Variants in NLRC4 observed in about 807,000 individuals in gnomAD.
NLRC4 encodes NLR family CARD domain-containing protein 4.
Under a neutral mutation model 79.9 loss-of-function variants are expected in NLRC4, and 63 were observed. That is an observed-to-expected ratio of 0.79 (90% CI 0.64 to 0.97). The LOEUF is 0.97. Ranked by LOEUF, NLRC4 falls within the 50% of genes least tolerant of loss-of-function variation. NLRC4 has a pLI of 0.00. For synonymous variants in NLRC4, 461 were observed against 456.5 expected (o/e 1.01, Z -0.12); for missense variants, 1,074 against 1,215.2 (o/e 0.88, Z 1.73).
intron 8 of NLRC4, among the ~76,000 whole-genome samples, chr2:32,229,845 G>T (rs905454892): frequency 3.3e-5 from 5 of 152,204 alleles, no homozygotes; most frequent in Admixed American, 2.0e-4. Context: ...ACATGGAGGG[G>T]TGTGGAGAGT....
intron 8 of NLRC4, among the ~76,000 whole-genome samples, chr2:32,231,032 T>C (rs1275053524): frequency 6.6e-6 from 1 of 152,248 alleles, no homozygotes; most frequent in Non-Finnish European, 1.5e-5. Flanking sequence ...CTAATGATAT[T>C]GATTATGTTT....
chr2:32,227,837 C>T (rs960627168), intron 8 of NLRC4, among the ~76,000 whole-genome samples: 17 of 152,126 alleles, frequency 1.1e-4, no homozygotes, highest in African/African-American at 4.1e-4. Context: ...CCAAGAGAAA[C>T]AGAATCCATG....
intron 2 of NLRC4, among the ~76,000 whole-genome samples, chr2:32,253,212 C>T (rs1273029262): frequency 2.0e-5 from 3 of 151,540 alleles, no homozygotes; most frequent in Non-Finnish European, 2.9e-5. Context: ...TGCAGTGACG[C>T]GATCTCGGCT....
At chr2:32,243,737 G>C (rs1207529428) in intron 4 of NLRC4, among the ~76,000 whole-genome samples, 2 of 150,334 alleles carry the variant, frequency 1.3e-5, no homozygotes, top group Non-Finnish European at 2.9e-5. Flanking sequence ...GGCGGCGGTT[G>C]CAGTGAGCCG....
chr2:32,255,892 T>C (rs1246848040), intron 2 of NLRC4, among the ~76,000 whole-genome samples: 1 of 151,974 alleles, frequency 6.6e-6, no homozygotes, highest in East Asian at 1.9e-4. Context: ...CACGCGCCTG[T>C]GGTCCCAGCT....
Position 32,250,075 on chromosome 2 carries a change from C to A in NLRC4, c.1789G>T (p.Asp597Tyr). The change falls in exon 4 of 9, where the codon GAC becomes TAC. Residue 597 changes from aspartate to tyrosine, a missense_variant. Transcript: ENST00000402280. The surrounding 1 kb of genome is among the most constrained non-coding windows in gnomAD (Gnocchi z 4.9). ...CAATTGGGCAAATGTTCAAAGAAGT[C>A]AAATAAGTAATCGGGGATGTTCCCT... ...NSGNIPDYLF[D>Y]FFEHLPNCAS... 6.2e-7 allele frequency: 1 copy of A among 1,614,142 alleles called. No homozygotes were observed. Among genetic ancestry groups the A allele is most frequent in the South Asian group, 1.1e-5 (1 of 91,060 alleles).
At position 32,250,099 on chromosome 2, in the gene NLRC4, C is replaced by G. The variant is rs773784182; in HGVS notation, c.1765G>C (p.Gly589Arg). 6.2e-7 allele frequency: 1 copy of G among 1,614,040 alleles called. No individual in the cohort carries two copies. The highest frequency in any genetic ancestry group is 1.7e-5 in the Admixed American group (1 of 60,018). The change falls in exon 4 of 9, where the codon GGG becomes CGG. Residue 589 changes from glycine (G) to arginine (R), a missense_variant. Transcript: ENST00000402280. The surrounding 1 kb of genome is among the most constrained non-coding windows in gnomAD (Gnocchi z 4.9). The part of the protein sequence containing the change: ...FQGKSLYINS[G>R]NIPDYLFDFF... ...TCAAATAAGTAATCGGGGATGTTCCCTGAGTTGATATATAAGCTTTTACCT... is the reference window on the plus strand; with the variant it reads ...TCAAATAAGTAATCGGGGATGTTCCGTGAGTTGATATATAAGCTTTTACCT...
At chr2:32,224,908 T>G in intron 8 of NLRC4, 143 bp from the exon 9 acceptor site, 1 of 554,580 alleles carries the variant, frequency 1.8e-6, no homozygotes, top group Non-Finnish European at 3.1e-6. Flanking sequence ...AGAAAGAAAT[T>G]ATTAATATAA....
At chr2:32,248,893 G>T (rs186169725) in intron 4 of NLRC4, among the ~76,000 whole-genome samples, 3 of 152,162 alleles carry the variant, frequency 2.0e-5, no homozygotes, top group Admixed American at 1.3e-4. Context: ...TAAACAATTC[G>T]CAACTCATCC....
chr2:32,231,455 A>G (rs1282725362), intron 8 of NLRC4, among the ~76,000 whole-genome samples: 4 of 150,830 alleles, frequency 2.7e-5, no homozygotes, highest in African/African-American at 7.3e-5. Flanking sequence ...ACGCCCGGCC[A>G]TAAGAGTTTT....
chr2:32,227,182 A>T (rs80058938), intron 8 of NLRC4, among the ~76,000 whole-genome samples: 2 of 151,282 alleles, frequency 1.3e-5, no homozygotes, highest in African/African-American at 4.9e-5. Flanking sequence ...AAAAAAAAAA[A>T]GTAGGGGTCT....
intron 2 of NLRC4, among the ~76,000 whole-genome samples, chr2:32,255,413 G>A (rs6761566): frequency 0.015 from 2,305 of 151,680 alleles, 67 homozygotes; most frequent in African/African-American, 0.052. Flanking sequence ...CCAGCTACTC[G>A]GGAGGCTGAG....
chr2:32,233,347 A>ATT (rs1453870780), intron 8 of NLRC4, among the ~76,000 whole-genome samples: 235 of 45,616 alleles, frequency 5.2e-3, no homozygotes, highest in African/African-American at 0.016. Flanking sequence ...ATATATATAT[A>ATT]TATTTTTTTT....
intron 4 of NLRC4, 35 bp from the exon 5 acceptor site, chr2:32,241,160 G>C (rs980666788): frequency 8.0e-7 from 1 of 1,248,582 alleles, no homozygotes; most frequent in East Asian, 2.3e-5. Flanking sequence ...TCTTTCAGCA[G>C]ATATTTGCTA....
chr2:32,230,669 C>A (rs1350596928), intron 8 of NLRC4, among the ~76,000 whole-genome samples: 1 of 152,050 alleles, frequency 6.6e-6, no homozygotes, highest in Admixed American at 6.6e-5. Context: ...TTAATCCATT[C>A]ATTATTTGAT....
At chr2:32,245,637 C>CAA (rs2148939263) in intron 4 of NLRC4, among the ~76,000 whole-genome samples, 1 of 152,000 alleles carries the variant, frequency 6.6e-6, no homozygotes, top group South Asian at 2.1e-4. Flanking sequence ...GTTCTTAACA[C>CAA]AAAACATAAA....
rs556576693 is a variant in NLRC4 at position 32,237,397 on chromosome 2, A to C, written c.2521+735T>G. Among the ~76,000 whole-genome samples, 4 of 152,298 alleles carry C rather than the reference A, an allele frequency of 2.6e-5. No individual in the cohort carries two copies. The East Asian group carries it at 5.8e-4, about 22-fold the overall frequency. Reference sequence around the variant, plus strand: ...AGTTCTAAGCCTGTCTCTCCCCATCAGTAAGTAGAGAAATAAAGGCATGTG... The same window carrying C: ...AGTTCTAAGCCTGTCTCTCCCCATCCGTAAGTAGAGAAATAAAGGCATGTG... On this transcript the variant is annotated intron_variant, in intron 6 of 8. Coordinates refer to ENST00000402280, the MANE Select transcript of NLRC4 (RefSeq NM_001199138.2).
Position 32,250,036 on chromosome 2 carries a change from C to A in NLRC4, c.1828G>T (p.Asp610Tyr). 6.2e-7 allele frequency: 1 copy of A among 1,614,188 alleles called. No individual in the cohort carries two copies. The highest frequency in any genetic ancestry group is 8.5e-7 in the Non-Finnish European group (1 of 1,180,044). The change falls in exon 4 of 9, where the codon GAC becomes TAC. Residue 610 changes from aspartate to tyrosine, a missense_variant. Asp to Tyr is a radical substitution (Grantham distance 160, BLOSUM62 -3). Coordinates refer to ENST00000402280, the MANE Select transcript of NLRC4 (RefSeq NM_001199138.2). The surrounding 1 kb of genome is among the most constrained non-coding windows in gnomAD (Gnocchi z 4.9). The stretch of plus-strand genomic sequence containing the variant: ...CCATAAAAGTCCAGTTTAATGAAGT[C>A]CAGGGCACTTGCACAATTGGGCAAA... ...EHLPNCASALDFIKLDFYGGA... is the reference protein window; with the variant it reads ...EHLPNCASALYFIKLDFYGGA...
At chr2:32,234,545 G>T (rs1043287568) in intron 8 of NLRC4, among the ~76,000 whole-genome samples, 3 of 152,206 alleles carry the variant, frequency 2.0e-5, no homozygotes, top group Admixed American at 2.0e-4. Context: ...TGATGAGCCT[G>T]ACCTCCTTGT....
Sources: gnomAD v4.1 joint callset for allele counts (sites outside exome capture counted in the v4.1 genomes callset) on GRCh38, gnomAD v4.1.1 for gene constraint, Gnocchi (gnomAD v3.1) non-coding constraint, MANE v1.5 for transcripts, NCBI Gene and HGNC (gene_info 2026-07-23, HGNC 2026-07-21) for gene names.